The following MAF variants were observed in gnomAD, a reference collection of about 807,000 sequenced individuals.
MAF encodes transcription factor Maf.
Under a neutral mutation model 22.0 loss-of-function variants are expected in MAF, and 10 were observed. That is an observed-to-expected ratio of 0.45 (90% CI 0.28 to 0.77). The LOEUF is 0.77. Among genes scored for constraint, MAF ranks in the 30% least tolerant of loss-of-function variants. The pLI is 0.12. For missense variants in MAF, 544 were observed against 548.4 expected, an observed-to-expected ratio of 0.99 and a Z score of 0.08; for synonymous variants, 337 against 255.8, an observed-to-expected ratio of 1.32 and a Z score of -3.03.
the MAF span, among the ~76,000 whole-genome samples, chr16:79,519,487 T>A: frequency 6.6e-6 from 1 of 152,102 alleles, no homozygotes; most frequent in Non-Finnish European, 1.5e-5. Context: ...GAGCCCTTAG[T>A]TTCCACCTTC....
chr16:79,511,043 C>A, the MAF span, among the ~76,000 whole-genome samples: 1 of 152,216 alleles, frequency 6.6e-6, no homozygotes, highest in African/African-American at 2.4e-5. Flanking sequence ...ACTGCAGCGG[C>A]AGCTGGGAGG....
chr16:79,207,491 A>G, the MAF span, among the ~76,000 whole-genome samples: 2 of 152,196 alleles, frequency 1.3e-5, no homozygotes, highest in Non-Finnish European at 2.9e-5. Context: ...TCATAACTCT[A>G]CTTTTTGCAT....
At chr16:79,417,272 C>A in the MAF span, among the ~76,000 whole-genome samples, 1 of 152,154 alleles carries the variant, frequency 6.6e-6, no homozygotes, top group Non-Finnish European at 1.5e-5. Flanking sequence ...TGGTGAACTA[C>A]ACCGACATAA....
At chr16:79,438,488 G>C in the MAF span, among the ~76,000 whole-genome samples, 1 of 152,214 alleles carries the variant, frequency 6.6e-6, no homozygotes, top group Non-Finnish European at 1.5e-5. Context: ...ATTATGTAAG[G>C]AACGGGGCAG....
chr16:79,578,488 T>C, the MAF span, among the ~76,000 whole-genome samples: 2 of 152,186 alleles, frequency 1.3e-5, no homozygotes, highest in African/African-American at 2.4e-5. Flanking sequence ...ATGTAGTGCT[T>C]TGTTTCTAGA....
the MAF span, among the ~76,000 whole-genome samples, chr16:79,255,977 C>CTTTTTTTTTTTTTT: frequency 3.7e-5 from 4 of 107,946 alleles, no homozygotes; most frequent in Admixed American, 8.6e-5. Context: ...TTTTTCTTTT[C>CTTTTTTTTTTTTTT]TTTTCTTTTT....
the MAF span, among the ~76,000 whole-genome samples, chr16:79,230,907 C>CG: frequency 6.6e-6 from 1 of 151,996 alleles, no homozygotes; most frequent in African/African-American, 2.4e-5. Context: ...TCTGATCCTA[C>CG]GGGGTAGGGC....
chr16:79,372,585 C>T, the MAF span, among the ~76,000 whole-genome samples: 1 of 152,206 alleles, frequency 6.6e-6, no homozygotes, highest in African/African-American at 2.4e-5. Context: ...GCCGTGGTGA[C>T]CTACTGGGGC....
the MAF span, among the ~76,000 whole-genome samples, chr16:79,322,129 G>A: frequency 1.3e-5 from 2 of 152,128 alleles, no homozygotes; most frequent in Non-Finnish European, 2.9e-5. Context: ...CTACTCAGGA[G>A]GCTGAGGTAG....
chr16:79,358,707 T>A, the MAF span, among the ~76,000 whole-genome samples: 1 of 152,196 alleles, frequency 6.6e-6, no homozygotes, highest in African/African-American at 2.4e-5. Context: ...GCTGCTGAGA[T>A]GATGGTGAGC....
the MAF span, among the ~76,000 whole-genome samples, chr16:79,298,952 C>A: frequency 6.6e-6 from 1 of 152,254 alleles, no homozygotes; most frequent in Non-Finnish European, 1.5e-5. Flanking sequence ...TCCTCTCAGC[C>A]CCCTGAGCGC....
chr16:79,312,118 TTCATCA>T, the MAF span, among the ~76,000 whole-genome samples: 125 of 151,870 alleles, frequency 8.2e-4, 1 homozygote, highest in African/African-American at 2.9e-3. Context: ...TTCTACCCCC[TTCATCA>T]TCATCATCAT....
the MAF span, among the ~76,000 whole-genome samples, chr16:79,260,160 G>C: frequency 1.3e-5 from 2 of 152,156 alleles, no homozygotes; most frequent in African/African-American, 2.4e-5. Context: ...TTTGGTGTTT[G>C]TTTATTTTGA....
chr16:79,523,719 G>A, the MAF span, among the ~76,000 whole-genome samples: 8 of 152,204 alleles, frequency 5.3e-5, no homozygotes, highest in Non-Finnish European at 2.9e-5. Context: ...AGAAGGGGAA[G>A]CTGAGATGCA....
chr16:79,593,971 C>T lies in MAF; in HGVS notation c.*489G>A, dbSNP rs144766735. 356 of 213,370 alleles carry T rather than the reference C, an allele frequency of 1.7e-3. 3 individuals carry two copies. The highest frequency in any genetic ancestry group is 2.7e-3 in the Non-Finnish European group (284 of 104,824). The allele number at this position is 213,370 out of a possible 1,614,324, so 13.2% of individuals were successfully genotyped here. A position where few individuals can be genotyped will look rare whatever the true frequency, so the allele number is the denominator to read the frequency against. On this transcript the variant is annotated 3_prime_UTR_variant, in exon 2 of 2. Transcript: ENST00000326043. ...ACGAGAAAACCAGGGGGCTCGGCTC[C>T]GCTGGAGCCTCTGCCCGTGGATTTG...
chr16:79,419,246 G>C, the MAF span, among the ~76,000 whole-genome samples: 5 of 152,318 alleles, frequency 3.3e-5, no homozygotes, highest in East Asian at 9.7e-4. Context: ...GCCTCCCATA[G>C]AGGGAGGATT....
chr16:79,218,899 A>C, the MAF span, among the ~76,000 whole-genome samples: 1 of 152,166 alleles, frequency 6.6e-6, no homozygotes, highest in East Asian at 1.9e-4. Context: ...ATCTGAATGC[A>C]GTGCAAAGCC....
chr16:79,212,403 ATAGACTCCTTTGCT>A, the MAF span: 1 of 430,352 alleles, frequency 2.3e-6, no homozygotes, highest in Non-Finnish European at 4.1e-6. Flanking sequence ...AGTACTTGTC[ATAGACTCCTTTGCT>A]AATGCTATGC....
the MAF span, among the ~76,000 whole-genome samples, chr16:79,528,535 G>C: frequency 6.6e-6 from 1 of 152,094 alleles, no homozygotes; most frequent in African/African-American, 2.4e-5. Context: ...CAGCATGAAG[G>C]ATCTTGGCAG....
Sources: gnomAD v4.1 joint callset for allele counts (sites outside exome capture counted in the v4.1 genomes callset) on GRCh38, gnomAD v4.1.1 for gene constraint, MANE v1.5 for transcripts, NCBI Gene and HGNC (gene_info 2026-07-23, HGNC 2026-07-21) for gene names.